SMOC2: variants seen among roughly 807,000 people sequenced by gnomAD.
SMOC2 encodes the protein SPARC-related modular calcium-binding protein 2.
SMOC2 carries 39 observed loss-of-function variants against 61.4 expected under a neutral mutation model. That is an observed-to-expected ratio of 0.64 (90% CI 0.49 to 0.83). SMOC2 has a LOEUF of 0.83. Among genes scored for constraint, SMOC2 ranks in the 40% least tolerant of loss-of-function variants. SMOC2 has a pLI of 0.00. For synonymous variants in SMOC2, 247 were observed against 239.9 expected, an observed-to-expected ratio of 1.03 and a Z score of -0.27; for missense variants, 556 against 592.9, an observed-to-expected ratio of 0.94 and a Z score of 0.65.
intron 7 of SMOC2, among the ~76,000 whole-genome samples, chr6:168,590,377 G>A (rs1293699143): frequency 3.1e-5 from 3 of 96,188 alleles, no homozygotes; most frequent in Non-Finnish European, 6.7e-5. Flanking sequence ...CGGGGCAGCC[G>A]GTCTGGTGGT....
chr6:168,485,638 C>T (rs971315840), intron 1 of SMOC2, among the ~76,000 whole-genome samples: 4 of 151,990 alleles, frequency 2.6e-5, no homozygotes, highest in African/African-American at 9.7e-5. Context: ...AGAAAGAAAG[C>T]AGATTAATCA....
chr6:168,480,360 A>C (rs956508003), intron 1 of SMOC2, among the ~76,000 whole-genome samples: 2 of 152,166 alleles, frequency 1.3e-5, no homozygotes, highest in African/African-American at 4.8e-5. Context: ...AACTAAAGAA[A>C]GATGTGGAGA....
intron 1 of SMOC2, among the ~76,000 whole-genome samples, chr6:168,449,173 G>A (rs1173261275): frequency 3.3e-5 from 5 of 152,070 alleles, no homozygotes; most frequent in African/African-American, 7.2e-5. Flanking sequence ...AGATTGATCC[G>A]TCTTCACATG....
intron 9 of SMOC2, among the ~76,000 whole-genome samples, chr6:168,622,218 G>A (rs113143543): frequency 8.5e-5 from 13 of 152,060 alleles, no homozygotes; most frequent in Admixed American, 3.9e-4. Flanking sequence ...CACCCGCCTC[G>A]GCCTCCCAAA....
At chr6:168,637,636 G>A (rs927439583) in intron 9 of SMOC2, among the ~76,000 whole-genome samples, 2 of 152,144 alleles carry the variant, frequency 1.3e-5, no homozygotes, top group Admixed American at 6.5e-5. Context: ...GCCTCCACCA[G>A]GCTTGTAACA....
intron 4 of SMOC2, among the ~76,000 whole-genome samples, chr6:168,540,878 A>T (rs1783862847): frequency 1.3e-5 from 2 of 152,068 alleles, no homozygotes; most frequent in Admixed American, 6.5e-5. Context: ...CCCTGCAGGG[A>T]GCTGCCCCTC....
intron 1 of SMOC2, among the ~76,000 whole-genome samples, chr6:168,466,144 G>A (rs1781827089): frequency 6.7e-6 from 1 of 150,226 alleles, no homozygotes; most frequent in Non-Finnish European, 1.5e-5. Context: ...CTGAGAGCTG[G>A]AACTGGGAGG....
intron 4 of SMOC2, among the ~76,000 whole-genome samples, chr6:168,530,463 C>T (rs886959388): frequency 1.3e-5 from 2 of 152,080 alleles, no homozygotes; most frequent in East Asian, 1.9e-4. Flanking sequence ...CCAAAAGTCT[C>T]GAGCAGGCAG....
At chr6:168,588,383 C>T (rs1021880858) in intron 7 of SMOC2, among the ~76,000 whole-genome samples, 18 of 152,148 alleles carry the variant, frequency 1.2e-4, no homozygotes, top group Admixed American at 3.3e-4. Context: ...CTTGGCCTCC[C>T]AAAGTGCTGA....
chr6:168,466,172 T>C (rs959203209), intron 1 of SMOC2, among the ~76,000 whole-genome samples: 2 of 147,160 alleles, frequency 1.4e-5, no homozygotes, highest in Non-Finnish European at 3.0e-5. Context: ...TGAAGCAAGG[T>C]GCTCTGAGAG....
chr6:168,584,460 A>G (rs2115163817), intron 7 of SMOC2, among the ~76,000 whole-genome samples: 1 of 152,322 alleles, frequency 6.6e-6, no homozygotes, highest in African/African-American at 2.4e-5. Context: ...GGAATGCTCA[A>G]GGCCTGTGGT....
In SMOC2 at chr6:168,547,189, GCA is replaced by G. The variant is rs769887807; in HGVS notation, c.562+23_562+24del. 3 of 1,612,114 alleles carry G rather than the reference GCA, an allele frequency of 1.9e-6. No homozygotes were observed. The highest frequency in any genetic ancestry group is 2.2e-5 in the East Asian group (1 of 44,854). Reference sequence around the variant, plus strand: ...AAGAAGGTGAGCCGGGGTGGGGATTGCACAGTCTGGGTTGGGGAGGAGTGCGA... The same window carrying G: ...AAGAAGGTGAGCCGGGGTGGGGATTGCAGTCTGGGTTGGGGAGGAGTGCGA... On this transcript the variant is annotated intron_variant, in intron 6 of 12. Transcript: ENST00000356284.
chr6:168,484,021 G>A (rs767152923), intron 1 of SMOC2, among the ~76,000 whole-genome samples: 24 of 152,106 alleles, frequency 1.6e-4, no homozygotes, highest in East Asian at 5.8e-4. Context: ...GCTTCACACC[G>A]TTAGATCTGG....
chr6:168,666,525 T>C lies in SMOC2; in HGVS notation c.*87T>C. 1 of 1,376,490 alleles carries C rather than the reference T, an allele frequency of 7.3e-7. No homozygotes were observed. Among genetic ancestry groups the C allele is most frequent in the Non-Finnish European group, 1.0e-6 (1 of 965,850 alleles). The allele number at this position is 1,376,490 out of a possible 1,614,324, so 85.3% of individuals were successfully genotyped here. ...TTAAGAAAACAAAAACAGAAACACA[T>C]AGTATTTGCACTTTGTACTTTAAAT... On this transcript the variant is annotated 3_prime_UTR_variant, in exon 13 of 13. Transcript: ENST00000356284.
intron 9 of SMOC2, among the ~76,000 whole-genome samples, chr6:168,634,519 G>A (rs1307998221): frequency 1.3e-5 from 2 of 152,144 alleles, no homozygotes; most frequent in African/African-American, 2.4e-5. Context: ...AATGAACACC[G>A]CAAACAACCC....
intron 9 of SMOC2, among the ~76,000 whole-genome samples, chr6:168,624,856 C>T (rs1349950177): frequency 7.3e-6 from 1 of 136,296 alleles, no homozygotes; most frequent in Non-Finnish European, 1.6e-5. Context: ...CACACAGACA[C>T]ACACACATTC....
At chr6:168,528,151 A>G (rs181138875) in intron 4 of SMOC2, among the ~76,000 whole-genome samples, 64 of 152,342 alleles carry the variant, frequency 4.2e-4, no homozygotes, top group Admixed American at 2.3e-3. Flanking sequence ...GTCTTTCTTC[A>G]TAAGTCAATT....
chr6:168,641,004 G>T (rs1209973427), intron 9 of SMOC2, among the ~76,000 whole-genome samples: 1 of 152,130 alleles, frequency 6.6e-6, no homozygotes, highest in Non-Finnish European at 1.5e-5. Flanking sequence ...TCCTAAGAAC[G>T]ACTTAGTTCT....
At chr6:168,483,449 A>G (rs62424593) in intron 1 of SMOC2, among the ~76,000 whole-genome samples, 49 of 152,296 alleles carry the variant, frequency 3.2e-4, no homozygotes, top group Non-Finnish European at 5.9e-4. Context: ...AGACATCAAC[A>G]AATGGAAACA....
Sources: allele counts gnomAD v4.1 joint callset (sites outside exome capture counted in the v4.1 genomes callset), GRCh38; gene constraint gnomAD v4.1.1; transcripts MANE v1.5; gene names NCBI Gene and HGNC (gene_info 2026-07-23, HGNC 2026-07-21).